The following FUT9 variants were observed in gnomAD, a reference collection of about 807,000 sequenced individuals.
FUT9 encodes the protein fucosyltransferase 9.
In FUT9, 15 loss-of-function variants were observed where a neutral mutation model predicts 29.7. The ratio of observed to expected loss-of-function variants is 0.51; its 90% CI spans 0.34 to 0.78. The LOEUF is 0.78. Among genes scored for constraint, FUT9 ranks in the 30% least tolerant of loss-of-function variants. FUT9 has a pLI of 0.01. For missense variants in FUT9, 319 were observed against 425.4 expected, an observed-to-expected ratio of 0.75 and a Z score of 2.20; for synonymous variants, 169 against 153.7, an observed-to-expected ratio of 1.10 and a Z score of -0.74.
intron 2 of FUT9, among the ~76,000 whole-genome samples, chr6:96,128,606 C>G (rs1289559699): frequency 6.6e-6 from 1 of 152,018 alleles, no homozygotes; most frequent in East Asian, 1.9e-4. Context: ...ATTGTTTGAC[C>G]CAGTAATTCT....
At chr6:96,152,298 T>G (rs957181682) in intron 2 of FUT9, among the ~76,000 whole-genome samples, 3 of 152,142 alleles carry the variant, frequency 2.0e-5, no homozygotes, top group African/African-American at 7.2e-5. Flanking sequence ...GATTTGAAGA[T>G]CTGTGTAATG....
chr6:96,104,675 C>T (rs1391336703), intron 1 of FUT9, among the ~76,000 whole-genome samples: 2 of 152,242 alleles, frequency 1.3e-5, no homozygotes, highest in East Asian at 3.9e-4. Context: ...GGATTACAGG[C>T]GCCTGCCATC....
At chr6:96,199,241 T>C (rs1223519350) in intron 2 of FUT9, among the ~76,000 whole-genome samples, 3 of 152,178 alleles carry the variant, frequency 2.0e-5, no homozygotes, top group Non-Finnish European at 4.4e-5. Flanking sequence ...GTATAAGACA[T>C]GTTAAGTATC....
At chr6:96,198,816 G>A (rs971433225) in intron 2 of FUT9, among the ~76,000 whole-genome samples, 1 of 152,076 alleles carries the variant, frequency 6.6e-6, no homozygotes, top group African/African-American at 2.4e-5. Context: ...CATTCTAACT[G>A]GTGTGAGATG....
At chr6:96,177,182 T>G (rs574175671) in intron 2 of FUT9, among the ~76,000 whole-genome samples, 7 of 152,132 alleles carry the variant, frequency 4.6e-5, no homozygotes, top group Non-Finnish European at 8.8e-5. Context: ...CATTAAAATT[T>G]TTTTCTCTAA....
rs1773984350 is a variant in FUT9 at position 96,213,851 on chromosome 6, G to C, written c.*9616G>C. ...AGCTAATGCATGTTTGAAATAAGAT[G>C]TGTTAGAAATTATATGACTATATTA... On this transcript the variant is annotated 3_prime_UTR_variant, in exon 3 of 3. Transcript: ENST00000302103. 6.0e-6 allele frequency: 1 copy of C among 166,882 alleles called. No homozygotes were observed. The highest frequency in any genetic ancestry group is 1.5e-5 in the Non-Finnish European group (1 of 68,022). The allele number at this position is 166,882 out of a possible 1,614,324, so 10.3% of individuals were successfully genotyped here.
intron 1 of FUT9, among the ~76,000 whole-genome samples, chr6:96,044,434 CT>C (rs1486305171): frequency 2.6e-5 from 4 of 152,176 alleles, no homozygotes; most frequent in Admixed American, 2.6e-4. Context: ...TTGAAAAGCT[CT>C]GCCATGCCTG....
chr6:96,145,483 T>G (rs1483849831), intron 2 of FUT9, among the ~76,000 whole-genome samples: 1 of 152,204 alleles, frequency 6.6e-6, no homozygotes, highest in Middle Eastern at 3.2e-3. Flanking sequence ...TCAAGAATCT[T>G]GCATTCTGTT....
intron 1 of FUT9, among the ~76,000 whole-genome samples, chr6:96,080,591 GATTAAAATGTAAATAACTC>G (rs1164542369): frequency 8.3e-4 from 126 of 152,086 alleles, no homozygotes; most frequent in African/African-American, 2.9e-3. Context: ...TTCCAATGAT[GATTAAAATGTAAATAACTC>G]ATTTATTCAA....
At chr6:96,133,524 C>A (rs1772290188) in intron 2 of FUT9, among the ~76,000 whole-genome samples, 1 of 151,792 alleles carries the variant, frequency 6.6e-6, no homozygotes, top group Non-Finnish European at 1.5e-5. Flanking sequence ...GTTAGGGAAC[C>A]CTGACCAAAA....
intron 1 of FUT9, among the ~76,000 whole-genome samples, chr6:96,045,265 C>T (rs1770542809): frequency 6.6e-6 from 1 of 152,110 alleles, no homozygotes; most frequent in Non-Finnish European, 1.5e-5. Flanking sequence ...CAGCAACAAT[C>T]AGACCAGAAG....
At chr6:96,017,698 C>G (rs775195510) in intron 1 of FUT9, among the ~76,000 whole-genome samples, 3 of 152,090 alleles carry the variant, frequency 2.0e-5, no homozygotes, top group Non-Finnish European at 2.9e-5. Flanking sequence ...ATGTTAGGAA[C>G]TTTAAAAGGT....
At position 96,154,784 on chromosome 6, in the gene FUT9, T is replaced by C. The variant is rs115156883; in HGVS notation, c.-9+40657T>C. On this transcript the variant is annotated intron_variant, in intron 2 of 2. Transcript: ENST00000302103. Reference sequence around the variant, plus strand: ...CTACCTTTTTACCAATAGTCAAAAATTTTTGGCTTCATCTTGTTTGAACCA... The same window carrying C: ...CTACCTTTTTACCAATAGTCAAAAACTTTTGGCTTCATCTTGTTTGAACCA... 5.7e-3 allele frequency among the ~76,000 whole-genome samples: 873 copies of C among 152,320 alleles called. 10 individuals are homozygous for C. Among genetic ancestry groups the C allele is most frequent in the African/African-American group, 0.02 (830 of 41,568 alleles).
chr6:96,032,897 T>G (rs933757554), intron 1 of FUT9, among the ~76,000 whole-genome samples: 1 of 151,170 alleles, frequency 6.6e-6, no homozygotes, highest in African/African-American at 2.4e-5. Flanking sequence ...ACCTGAGGAG[T>G]AGAGGAACAG....
At chr6:96,065,262 T>C (rs995858214) in intron 1 of FUT9, among the ~76,000 whole-genome samples, 2 of 152,192 alleles carry the variant, frequency 1.3e-5, no homozygotes, top group Non-Finnish European at 2.9e-5. Flanking sequence ...AAGGTCGAAC[T>C]AATAAAATTC....
At chr6:96,189,068 GT>G (rs1773457426) in intron 2 of FUT9, among the ~76,000 whole-genome samples, 1 of 152,126 alleles carries the variant, frequency 6.6e-6, no homozygotes, top group African/African-American at 2.4e-5. Context: ...TGTACTTGGG[GT>G]TTTGATTTAG....
Position 96,203,405 on chromosome 6 carries a change from G to A in FUT9, c.250G>A (p.Ala84Thr), listed in dbSNP as rs748157492. ...GQTFDLTSCQ[A>T]MFNIQGCHLT... ...GACCTTTGACCTTACATCCTGCCAA[G>A]CAATGTTCAACATCCAAGGATGCCA... Residue 84 changes from alanine (A) to threonine (T), a missense_variant, in exon 3 of 3, where the codon GCA (alanine) becomes ACA (threonine). Physicochemically the swap from Ala to Thr is moderately conservative, Grantham distance 58. Coordinates refer to ENST00000302103, the MANE Select transcript of FUT9 (RefSeq NM_006581.4). 3 of 1,610,082 alleles carry A rather than the reference G, an allele frequency of 1.9e-6. No homozygotes were observed. The highest frequency in any genetic ancestry group is 2.5e-6 in the Non-Finnish European group (3 of 1,177,524).
intron 1 of FUT9, among the ~76,000 whole-genome samples, chr6:96,035,863 TTAATA>T (rs573894840): frequency 9.1e-3 from 1,046 of 114,844 alleles, no homozygotes; most frequent in Non-Finnish European, 0.014. Context: ...GTTTATTATA[TTAATA>T]TAATATAATA....
At chr6:96,195,812 C>G (rs1210490557) in intron 2 of FUT9, among the ~76,000 whole-genome samples, 3 of 152,088 alleles carry the variant, frequency 2.0e-5, no homozygotes, top group Non-Finnish European at 4.4e-5. Flanking sequence ...TATAAGCATT[C>G]ATGTAGTATT....
Sources: gnomAD v4.1 joint callset for allele counts (sites outside exome capture counted in the v4.1 genomes callset) on GRCh38, gnomAD v4.1.1 for gene constraint, MANE v1.5 for transcripts, NCBI Gene and HGNC (gene_info 2026-07-23, HGNC 2026-07-21) for gene names.